Variants in PRDM16 observed in about 807,000 individuals in gnomAD.
The protein encoded by PRDM16 is PR/SET domain 16, also known as histone-lysine N-methyltransferase PRDM16.
In PRDM16, 23 loss-of-function variants were observed where a neutral mutation model predicts 110.6. That is an observed-to-expected ratio of 0.21 (90% CI 0.15 to 0.29). PRDM16 has a LOEUF of 0.29. Ranked by LOEUF, PRDM16 falls within the 10% of genes least tolerant of loss-of-function variation. The probability of loss-of-function intolerance (pLI) is 1.00; values close to 1 mark genes in which losing one functional copy is unlikely to be tolerated. For synonymous variants in PRDM16, 799 were observed against 781.8 expected (o/e 1.02, Z -0.37); for missense variants, 1,615 against 1,794.3 (o/e 0.90, Z 1.81).
intron 1 of PRDM16, among the ~76,000 whole-genome samples, chr1:3,104,987 T>C (rs1642619959): frequency 6.6e-6 from 1 of 151,860 alleles, no homozygotes; most frequent in South Asian, 2.1e-4. Context: ...CAGGATGGAC[T>C]GTTCTGGAGC....
intron 1 of PRDM16, among the ~76,000 whole-genome samples, chr1:3,114,181 A>ACACGCACACACG (rs1642866327): frequency 7.8e-6 from 1 of 127,862 alleles, no homozygotes; most frequent in Admixed American, 8.1e-5. Context: ...ACACGCACAC[A>ACACGCACACACG]CACGCACACA....
intron 1 of PRDM16, among the ~76,000 whole-genome samples, chr1:3,075,794 A>C (rs534597388): frequency 6.6e-6 from 1 of 152,322 alleles, no homozygotes; most frequent in East Asian, 1.9e-4. Context: ...CCCGGTGAGG[A>C]GGGGTCCCTT....
chr1:3,201,354 C>T lies in PRDM16; in HGVS notation c.387+14880C>T, dbSNP rs1439658184. Among the ~76,000 whole-genome samples the T allele has an allele frequency of 2.6e-5, 4 of 152,170 alleles. No individual in the cohort carries two copies. Among genetic ancestry groups the T allele is most frequent in the African/African-American group, 4.8e-5 (2 of 41,436 alleles). On this transcript the variant is annotated intron_variant, in intron 2 of 16. Coordinates refer to ENST00000270722, the MANE Select transcript of PRDM16 (RefSeq NM_022114.4). The surrounding 1 kb of genome is among the most constrained non-coding windows in gnomAD (Gnocchi z 4.1). ...CGCACAGAGATGAACAAGATGCAGC[C>T]TCGGCGCTCAGAGGCGGGTGTCCAG...
In PRDM16 at chr1:3,435,230, G is replaced by T. The variant is rs925508538; in HGVS notation, c.*1419G>T. 3.2e-5 allele frequency: 7 copies of T among 221,368 alleles called. No individual in the cohort carries two copies. The highest frequency in any genetic ancestry group is 1.6e-4 in the African/African-American group (7 of 44,622). The allele number at this position is 221,368 out of a possible 1,614,324, so 13.7% of individuals were successfully genotyped here. A position where few individuals can be genotyped will look rare whatever the true frequency, so the allele number is the denominator to read the frequency against. On this transcript the variant is annotated 3_prime_UTR_variant, in exon 17 of 17. Transcript: ENST00000270722. The stretch of plus-strand genomic sequence containing the variant: ...ATTTACCTTAATCTGTATATAACTT[G>T]TAATTTTTTCTAATTCATTTCTTTT...
At chr1:3,187,624 A>T (rs1276945078) in intron 2 of PRDM16, among the ~76,000 whole-genome samples, 1 of 152,138 alleles carries the variant, frequency 6.6e-6, no homozygotes, top group Non-Finnish European at 1.5e-5. Context: ...TTGTAAGAAC[A>T]CCGACGGCCT....
Position 3,290,937 on chromosome 1 carries a change from T to C in PRDM16, c.438+46800T>C, listed in dbSNP as rs1640959238. Among the ~76,000 whole-genome samples the C allele has an allele frequency of 6.6e-6, 1 of 152,018 alleles. No homozygotes were observed. The highest frequency in any genetic ancestry group is 1.5e-5 in the Non-Finnish European group (1 of 68,022). On this transcript the variant is annotated intron_variant, in intron 3 of 16. Transcript: ENST00000270722. This position sits in a 1 kb window ranked among gnomAD's most constrained non-coding sequence, Gnocchi z 4.8. The stretch of plus-strand genomic sequence containing the variant: ...TGCAGAAATCCATACTCATCATTCA[T>C]CGGGGGCCTTATTAACCTTCTTACG...
chr1:3,253,356 C>T (rs949555967), intron 3 of PRDM16, among the ~76,000 whole-genome samples: 1 of 116,404 alleles, frequency 8.6e-6, no homozygotes, highest in African/African-American at 3.2e-5. Flanking sequence ...ATCCCTCCCC[C>T]CCTCCCCCCA....
In PRDM16 at chr1:3,190,170, G is replaced by A. The variant is rs2100805691; in HGVS notation, c.387+3696G>A. 6.6e-6 allele frequency among the ~76,000 whole-genome samples: 1 copy of A among 152,186 alleles called. No individual in the cohort carries two copies. Among genetic ancestry groups the A allele is most frequent in the Admixed American group, 6.5e-5 (1 of 15,280 alleles). ...CGAGCTTTGGGTTCAAGGTCGTGGG[G>A]CAGCCTTACTTCAAGGTCGTGGGGC... On this transcript the variant is annotated intron_variant, in intron 2 of 16. Coordinates refer to ENST00000270722, the MANE Select transcript of PRDM16 (RefSeq NM_022114.4). The surrounding 1 kb of genome is among the most constrained non-coding windows in gnomAD (Gnocchi z 5.0).
At chr1:3,304,806 C>T (rs982142188) in intron 3 of PRDM16, among the ~76,000 whole-genome samples, 1 of 152,170 alleles carries the variant, frequency 6.6e-6, no homozygotes, top group Non-Finnish European at 1.5e-5. Flanking sequence ...CTCAGGACAC[C>T]GTGCCGCCCC....
intron 3 of PRDM16, among the ~76,000 whole-genome samples, chr1:3,292,405 G>A (rs1322216859): frequency 6.6e-6 from 1 of 152,224 alleles, no homozygotes. Flanking sequence ...TCCGCCCAGT[G>A]TCTCCAGCGA....
chr1:3,234,300 C>T (rs939174347), intron 2 of PRDM16, among the ~76,000 whole-genome samples: 2 of 152,152 alleles, frequency 1.3e-5, no homozygotes, highest in African/African-American at 4.8e-5. Flanking sequence ...CAAATCCAGA[C>T]AGTCCTGGCC....
intron 3 of PRDM16, among the ~76,000 whole-genome samples, chr1:3,295,011 T>C (rs1006966992): frequency 6.6e-6 from 1 of 152,038 alleles, no homozygotes; most frequent in African/African-American, 2.4e-5. Context: ...GGTTCTGGGG[T>C]GGTTCACCCC....
intron 3 of PRDM16, among the ~76,000 whole-genome samples, chr1:3,331,574 C>T (rs373026161): frequency 3.9e-5 from 6 of 152,204 alleles, no homozygotes; most frequent in Non-Finnish European, 5.9e-5. Flanking sequence ...CTCTGAGCCT[C>T]GTTCTTCAAG....
chr1:3,101,029 A>C (rs1370685631), intron 1 of PRDM16, among the ~76,000 whole-genome samples: 1 of 152,038 alleles, frequency 6.6e-6, no homozygotes, highest in Non-Finnish European at 1.5e-5. Context: ...CTGCTCCCTA[A>C]TGGGGGATGC....
intron 1 of PRDM16, among the ~76,000 whole-genome samples, chr1:3,096,956 T>A (rs1642415543): frequency 6.6e-6 from 1 of 152,218 alleles, no homozygotes; most frequent in Admixed American, 6.5e-5. Context: ...GGCTGCTCTC[T>A]GTGCCCCTTC....
chr1:3,095,709 C>T (rs973123783), intron 1 of PRDM16, among the ~76,000 whole-genome samples: 5 of 151,996 alleles, frequency 3.3e-5, no homozygotes, highest in Non-Finnish European at 5.9e-5. Context: ...CCTCTGGCCT[C>T]GGCCAGGAGG....
intron 3 of PRDM16, among the ~76,000 whole-genome samples, chr1:3,367,274 C>CA (rs796732760): frequency 0.029 from 4,189 of 142,916 alleles, 176 homozygotes; most frequent in African/African-American, 0.096. Context: ...AGCTCTGTCT[C>CA]AAAAAAAAAA....
chr1:3,301,133 C>A (rs1319675078), intron 3 of PRDM16, among the ~76,000 whole-genome samples: 1 of 152,028 alleles, frequency 6.6e-6, no homozygotes, highest in Non-Finnish European at 1.5e-5. Context: ...GAGTTTGAGA[C>A]CCACCTGGGA....
chr1:3,371,183 A>G (rs1642899317), intron 3 of PRDM16, among the ~76,000 whole-genome samples: 1 of 79,912 alleles, frequency 1.3e-5, no homozygotes, highest in Non-Finnish European at 2.1e-5. Flanking sequence ...CCATCTATCC[A>G]TCCATCCATC....
Sources: allele counts gnomAD v4.1 joint callset (sites outside exome capture counted in the v4.1 genomes callset), GRCh38; gene constraint gnomAD v4.1.1; non-coding constraint Gnocchi (gnomAD v3.1); transcripts MANE v1.5; gene names NCBI Gene and HGNC (gene_info 2026-07-23, HGNC 2026-07-21).